The following CLIC2 variants were observed in gnomAD, a reference collection of about 807,000 sequenced individuals.
The protein encoded by CLIC2 is chloride intracellular channel protein 2.
In CLIC2, 9 loss-of-function variants were observed where a neutral mutation model predicts 14.8. The observed-to-expected ratio is 0.61, with a 90% CI of 0.37 to 1.06. The LOEUF (loss-of-function observed/expected upper bound fraction) is 1.06, where lower values mean the gene tolerates loss of function less well. CLIC2 is among the 50% of genes least tolerant of loss of function. The probability of loss-of-function intolerance (pLI) is 0.01; values close to 1 mark genes in which losing one functional copy is unlikely to be tolerated. For missense variants in CLIC2, 148 were observed against 181.4 expected (o/e 0.82, Z 1.06); for synonymous variants, 61 against 66.3 (o/e 0.92, Z 0.39).
intron 3 of CLIC2, among the ~76,000 whole-genome samples, chrX:155,286,201 AG>A (rs1449828498): frequency 3.6e-5 from 4 of 111,811 alleles, no homozygotes; most frequent in Non-Finnish European, 7.5e-5. Flanking sequence ...CTCATCATTT[AG>A]CTCCCGCTTA....
chrX:155,277,338 T>C lies in CLIC2; in HGVS notation c.*565A>G, dbSNP rs1307243081. The C allele has an allele frequency of 9.0e-6, 1 of 111,591 alleles. No individual in the cohort carries two copies. Among genetic ancestry groups the C allele is most frequent in the Non-Finnish European group, 1.9e-5 (1 of 53,159 alleles). 9.2% of individuals were successfully genotyped at this position (111,591 alleles called of 1,213,427 possible). A position where few individuals can be genotyped will look rare whatever the true frequency, so the allele number is the denominator to read the frequency against. On this transcript the variant is annotated 3_prime_UTR_variant, in exon 6 of 6. Transcript: ENST00000369449. ...ATTCTCATCTCTGACCATGAGGTGG[T>C]CATAGTTCTAGGCGTCAAATGCTGT... is the stretch of plus-strand genomic sequence containing the variant.
chrX:155,277,837 CCTTT>C lies in CLIC2; in HGVS notation c.*62_*65del. The C allele has an allele frequency of 2.0e-6, 2 of 1,016,434 alleles. No individual in the cohort carries two copies. The highest frequency in any genetic ancestry group is 2.8e-6 in the Non-Finnish European group (2 of 723,686). The allele number at this position is 1,016,434 out of a possible 1,213,427, so 83.8% of individuals were successfully genotyped here. On this transcript the variant is annotated 3_prime_UTR_variant, in exon 6 of 6. Coordinates refer to ENST00000369449, the MANE Select transcript of CLIC2 (RefSeq NM_001289.6). ...TTTTTCATATTCTTATTTGCAAAAA[CCTTT>C]CTAATATGTCAATAAGTAAAATCTG...
At position 155,298,786 on chromosome X, in the gene CLIC2, T is replaced by C. The variant is rs1453048668; in HGVS notation, c.292A>G (p.Arg98Gly). ...AATAGTATCTTGTAAATGCTGTACCTTGGAGGAGCCAGGGTTTGTTCTAAA... is the reference window on the plus strand; with the variant it reads ...AATAGTATCTTGTAAATGCTGTACCCTGGAGGAGCCAGGGTTTGTTCTAAA... ...EFLEQTLAPP[R>G]YPHLSPKYKE... is the part of the protein sequence containing the mutation. The change falls in exon 3 of 6, where the codon AGG becomes GGG. Residue 98 changes from arginine (R) to glycine (G), a missense_variant and splice_region_variant. Arg to Gly is a moderately radical substitution (Grantham distance 125). Transcript: ENST00000369449. The C allele has an allele frequency of 8.3e-7, 1 of 1,208,470 alleles. No homozygotes were observed. Among genetic ancestry groups the C allele is most frequent in the Non-Finnish European group, 1.1e-6 (1 of 894,204 alleles).
chrX:155,312,611 T>G (rs1557320704), intron 1 of CLIC2, among the ~76,000 whole-genome samples: 1 of 111,885 alleles, frequency 8.9e-6, no homozygotes, highest in Non-Finnish European at 1.9e-5. Flanking sequence ...TTCCTCCAGC[T>G]TTGTTCTTTT....
chrX:155,297,884 A>AAAAAAAAAAAAG lies in CLIC2; in HGVS notation c.293+900_293+901insCTTTTTTTTTTT, dbSNP rs1557318527. 7.3e-4 allele frequency among the ~76,000 whole-genome samples: 33 copies of AAAAAAAAAAAAG among 45,217 alleles called. 6 individuals carry two copies. Among genetic ancestry groups the AAAAAAAAAAAAG allele is most frequent in the Admixed American group, 9.6e-4 (3 of 3,126 alleles). 39.3% of individuals were successfully genotyped at this position (45,217 alleles called of 115,157 possible). ...TCAAAAAAAAAAAAAAAAAAAAAAA[A>AAAAAAAAAAAAG]AAGAAGGTGAACCATCAGAGAGACA... On this transcript the variant is annotated intron_variant, in intron 3 of 5. Transcript: ENST00000369449.
intron 1 of CLIC2, among the ~76,000 whole-genome samples, chrX:155,324,808 G>A (rs782763053): frequency 9.0e-6 from 1 of 111,731 alleles, no homozygotes; most frequent in Admixed American, 9.5e-5. Flanking sequence ...AAAAGAAACT[G>A]TCATCAGAGT....
Position 155,298,876 on chromosome X carries a change from T to C in CLIC2, c.202A>G (p.Thr68Ala). The part of the protein sequence containing the change: ...PEELKDLAPG[T>A]NPPFLVYNKE... Reference sequence around the variant, plus strand: ...TTATACACCAGGAACGGAGGATTGGTACCTGGGGCTAAGTCCTTTAGTTCT... The same window carrying C: ...TTATACACCAGGAACGGAGGATTGGCACCTGGGGCTAAGTCCTTTAGTTCT... Residue 68 changes from threonine to alanine, a missense_variant, in exon 3 of 6, where the codon ACC becomes GCC. By Grantham distance (58) the Thr-to-Ala change is moderately conservative. Transcript: ENST00000369449. 8.3e-7 allele frequency: 1 copy of C among 1,208,724 alleles called. No individual in the cohort carries two copies. Among genetic ancestry groups the C allele is most frequent in the Non-Finnish European group, 1.1e-6 (1 of 892,683 alleles).
At chrX:155,315,250 C>T (rs985398298) in intron 1 of CLIC2, among the ~76,000 whole-genome samples, 1 of 111,885 alleles carries the variant, frequency 8.9e-6, no homozygotes, top group Non-Finnish European at 1.9e-5. Context: ...ATAAAATAAG[C>T]TCAAAGAACA....
intron 1 of CLIC2, among the ~76,000 whole-genome samples, chrX:155,325,761 GATATATATATATATATATATATATATAT>G (rs60334475): frequency 4.3e-4 from 14 of 32,848 alleles, no homozygotes; most frequent in Admixed American, 1.1e-3. Context: ...AAGAAAATGT[GATATATATATATATATATATATATATAT>G]ATATATATAT....
chrX:155,282,932 C>T (rs1557316662), intron 3 of CLIC2, among the ~76,000 whole-genome samples: 2 of 111,083 alleles, frequency 1.8e-5, no homozygotes, highest in Admixed American at 9.5e-5. Context: ...CAATACAGCC[C>T]TCATGGGTAC....
chrX:155,318,383 C>T (rs966232685), intron 1 of CLIC2, among the ~76,000 whole-genome samples: 1 of 111,681 alleles, frequency 9.0e-6, no homozygotes, highest in Non-Finnish European at 1.9e-5. Context: ...TTAATGTACA[C>T]AAAACAGTAG....
chrX:155,296,323 A>C (rs2074991899), intron 3 of CLIC2, among the ~76,000 whole-genome samples: 1 of 112,016 alleles, frequency 8.9e-6, no homozygotes, highest in African/African-American at 3.2e-5. Context: ...GAAGAATGAA[A>C]CTTGATCCTT....
intron 3 of CLIC2, among the ~76,000 whole-genome samples, chrX:155,298,497 C>T (rs1436264798): frequency 8.9e-6 from 1 of 111,912 alleles, no homozygotes; most frequent in African/African-American, 3.2e-5. Flanking sequence ...GTTAGTATCC[C>T]ATTCCCTCAC....
chrX:155,293,008 C>A, intron 3 of CLIC2: 1 of 741,571 alleles, frequency 1.3e-6, no homozygotes, highest in Non-Finnish European at 2.1e-6. Context: ...ACCAGATGAG[C>A]TGTGGTATCT....
chrX:155,295,339 A>C (rs1222782846), intron 3 of CLIC2, among the ~76,000 whole-genome samples: 3 of 111,473 alleles, frequency 2.7e-5, no homozygotes, highest in African/African-American at 9.8e-5. Context: ...AAAACCTCTC[A>C]ACAAATGGGG....
chrX:155,290,673 T>C lies in CLIC2; in HGVS notation c.293+8112A>G, dbSNP rs1199789459. On this transcript the variant is annotated intron_variant, in intron 3 of 5. Coordinates refer to ENST00000369449, the MANE Select transcript of CLIC2 (RefSeq NM_001289.6). ...ATGGGAATGTTTATACAGAAAGAAA[T>C]GGTAACGAGCTGAATCCTTGGGAAT... The C allele has an allele frequency of 1.6e-5, 16 of 996,603 alleles. No homozygotes were observed. The East Asian group carries it at 2.7e-4, about 17-fold the overall frequency. The allele number at this position is 996,603 out of a possible 1,213,427, so 82.1% of individuals were successfully genotyped here. A position where few individuals can be genotyped will look rare whatever the true frequency, so the allele number is the denominator to read the frequency against.
chrX:155,304,948 C>T (rs782402156), intron 1 of CLIC2, among the ~76,000 whole-genome samples: 27 of 106,431 alleles, frequency 2.5e-4, no homozygotes, highest in Non-Finnish European at 4.9e-4. Context: ...CTCAGATCTC[C>T]AGCTGCGTGC....
At chrX:155,288,297 C>T (rs1557317274) in intron 3 of CLIC2, among the ~76,000 whole-genome samples, 1 of 111,699 alleles carries the variant, frequency 9.0e-6, no homozygotes, top group Non-Finnish European at 1.9e-5. Context: ...ATGATAATGC[C>T]ACCTAAAACA....
intron 1 of CLIC2, among the ~76,000 whole-genome samples, chrX:155,300,859 C>G (rs1411488357): frequency 1.9e-4 from 16 of 85,784 alleles, no homozygotes; most frequent in South Asian, 6.3e-4. Flanking sequence ...GCTTGTTTTT[C>G]TCAGGTTTGT....
Sources: allele counts gnomAD v4.1 joint callset (sites outside exome capture counted in the v4.1 genomes callset), GRCh38; gene constraint gnomAD v4.1.1; transcripts MANE v1.5; gene names NCBI Gene and HGNC (gene_info 2026-07-23, HGNC 2026-07-21).